CCDC171: variants seen among roughly 807,000 people sequenced by gnomAD.
CCDC171 encodes coiled-coil domain containing 171, also known as coiled-coil domain-containing protein 171.
CCDC171 carries 177 observed loss-of-function variants against 168.2 expected under a neutral mutation model. The observed-to-expected ratio is 1.05, with a 90% confidence interval of 0.93 to 1.19. The LOEUF is 1.19. Among genes scored for constraint, CCDC171 ranks in the 50% most tolerant of loss-of-function variants. The pLI is 0.00. For missense variants in CCDC171, 1,991 were observed against 1,539.0 expected (o/e 1.29, Z -4.91); for synonymous variants, 687 against 540.8 (o/e 1.27, Z -3.75).
chr9:16,094,233 G>A, the CCDC171 span, among the ~76,000 whole-genome samples: 22 of 152,168 alleles, frequency 1.4e-4, no homozygotes, highest in African/African-American at 5.1e-4. Flanking sequence ...ATTCTTTTAG[G>A]CCTTTAGCAG....
intron 11 of CCDC171, among the ~76,000 whole-genome samples, chr9:15,707,589 C>T (rs1281487598): frequency 6.6e-6 from 1 of 152,112 alleles, no homozygotes; most frequent in Non-Finnish European, 1.5e-5. Flanking sequence ...CACTTTCTCC[C>T]TTCCTTACTT....
intron 9 of CCDC171, among the ~76,000 whole-genome samples, chr9:15,666,918 T>C (rs1041585814): frequency 2.6e-5 from 4 of 152,202 alleles, no homozygotes; most frequent in East Asian, 1.9e-4. Context: ...CCAACATGCA[T>C]TGTGGCTCAC....
rs768732011 is a variant in CCDC171, at chr9:15,683,936, G to C, written c.1215+5040G>C. Among the ~76,000 whole-genome samples the C allele has an allele frequency of 4.6e-5, 7 of 152,056 alleles. No individual in the cohort carries two copies. In the South Asian group the frequency reaches 1.5e-3, roughly 32 times the overall value. On this transcript the variant is annotated intron_variant, in intron 10 of 25. Transcript: ENST00000380701. ...GGTAACATTTCATTATGTGAGATAA[G>C]CAAGTGGGGTCATGGAATACTGACA...
At chr9:15,840,874 C>T (rs1045515356) in intron 21 of CCDC171, among the ~76,000 whole-genome samples, 2 of 151,764 alleles carry the variant, frequency 1.3e-5, no homozygotes, top group Admixed American at 6.6e-5. Context: ...GCTTTATATG[C>T]GAGGCTTAGA....
chr9:15,763,833 T>A (rs2056581245), intron 18 of CCDC171, among the ~76,000 whole-genome samples: 1 of 152,368 alleles, frequency 6.6e-6, no homozygotes, highest in South Asian at 2.1e-4. Context: ...GCATTAGAGT[T>A]GTTTCTACTT....
At chr9:15,985,546 A>G (rs1371744949) in intron 3 of CCDC171, among the ~76,000 whole-genome samples, 2 of 152,206 alleles carry the variant, frequency 1.3e-5, no homozygotes, top group Admixed American at 1.3e-4. Context: ...ACTACCTTAC[A>G]GACAAGGAAA....
At chr9:15,787,504 C>G (rs955369) in intron 21 of CCDC171, among the ~76,000 whole-genome samples, 2 of 151,850 alleles carry the variant, frequency 1.3e-5, no homozygotes, top group African/African-American at 4.8e-5. Context: ...CCTTCTCTCA[C>G]TCCTTTCCCT....
intron 16 of CCDC171, among the ~76,000 whole-genome samples, chr9:15,737,931 C>T (rs992717683): frequency 1.3e-5 from 2 of 152,080 alleles, no homozygotes; most frequent in Non-Finnish European, 2.9e-5. Context: ...TTCCAATTTC[C>T]CTACAAAGTG....
intron 11 of CCDC171, among the ~76,000 whole-genome samples, chr9:15,702,206 G>C (rs368303166): frequency 6.6e-6 from 1 of 152,120 alleles, no homozygotes; most frequent in South Asian, 2.1e-4. Context: ...TCTGTAAAGA[G>C]ATGAGCTGTC....
intron 21 of CCDC171, among the ~76,000 whole-genome samples, chr9:15,829,748 C>T (rs986382299): frequency 2.0e-5 from 3 of 151,996 alleles, no homozygotes; most frequent in Non-Finnish European, 1.5e-5. Context: ...GGCAAATCCC[C>T]ATCTCTACTA....
At chr9:15,591,296 G>A (rs1213463240) in intron 4 of CCDC171, 70 bp from the exon 5 acceptor site, 6 of 883,646 alleles carry the variant, frequency 6.8e-6, no homozygotes, top group Non-Finnish European at 7.1e-6. Context: ...CAACTCCAAT[G>A]CCTAGGTTTT....
intron 15 of CCDC171, among the ~76,000 whole-genome samples, chr9:15,728,496 T>C (rs183492753): frequency 1.7e-4 from 26 of 152,316 alleles, no homozygotes; most frequent in Admixed American, 1.2e-3. Flanking sequence ...TTTTAAATTA[T>C]ATGCTTATGA....
intron 6 of CCDC171, among the ~76,000 whole-genome samples, chr9:16,027,041 T>C (rs1403312583): frequency 1.3e-5 from 2 of 152,202 alleles, no homozygotes; most frequent in African/African-American, 4.8e-5. Flanking sequence ...TGCCTTGATA[T>C]TGCACTTGGT....
intron 24 of CCDC171, among the ~76,000 whole-genome samples, chr9:15,903,101 G>C (rs1358065340): frequency 6.6e-6 from 1 of 152,216 alleles, no homozygotes; most frequent in Non-Finnish European, 1.5e-5. Context: ...CTCCACCTCT[G>C]GGGGTTGAGC....
At chr9:16,001,915 G>A (rs1351798955) in intron 3 of CCDC171, among the ~76,000 whole-genome samples, 1 of 146,860 alleles carries the variant, frequency 6.8e-6, no homozygotes, top group Non-Finnish European at 1.5e-5. Flanking sequence ...ATGGCTCACT[G>A]CAGCCTTGAC....
chr9:16,094,154 C>T, the CCDC171 span, among the ~76,000 whole-genome samples: 30 of 152,168 alleles, frequency 2.0e-4, no homozygotes, highest in East Asian at 1.4e-3. Flanking sequence ...ACAGAGTGCA[C>T]GGTGGGCTGG....
At chr9:16,100,754 G>A in the CCDC171 span, among the ~76,000 whole-genome samples, 1 of 152,168 alleles carries the variant, frequency 6.6e-6, no homozygotes, top group Non-Finnish European at 1.5e-5. Context: ...AAACTCTTCT[G>A]CTGGTTCAGG....
intron 10 of CCDC171, among the ~76,000 whole-genome samples, chr9:15,686,586 A>C (rs2050410400): frequency 1.3e-5 from 2 of 152,098 alleles, no homozygotes; most frequent in South Asian, 4.2e-4. Flanking sequence ...TATACCATGC[A>C]CCCAATAAAA....
At chr9:15,652,291 A>T (rs73412252) in intron 7 of CCDC171, among the ~76,000 whole-genome samples, 2 of 152,166 alleles carry the variant, frequency 1.3e-5, no homozygotes, top group African/African-American at 4.8e-5. Flanking sequence ...TAATGAAAAG[A>T]TGAATCTTTT....
Sources: gnomAD v4.1 joint callset for allele counts (sites outside exome capture counted in the v4.1 genomes callset) on GRCh38, gnomAD v4.1.1 for gene constraint, MANE v1.5 for transcripts, NCBI Gene and HGNC (gene_info 2026-07-23, HGNC 2026-07-21) for gene names.